Variants in USP8 observed in about 807,000 individuals in gnomAD.
The protein encoded by USP8 is ubiquitin carboxyl-terminal hydrolase 8.
Under a neutral mutation model 130.0 loss-of-function variants are expected in USP8, and 27 were observed. The observed-to-expected ratio is 0.21, with a 90% CI of 0.15 to 0.29. The LOEUF is 0.29. USP8 is among the 10% of genes least tolerant of loss of function. USP8 has a pLI of 1.00. For missense variants in USP8, 1,029 were observed against 1,312.2 expected, an observed-to-expected ratio of 0.78 and a Z score of 3.33; for synonymous variants, 392 against 444.1, an observed-to-expected ratio of 0.88 and a Z score of 1.48.
rs1405899103 is a variant in USP8 at position 50,506,044 on chromosome 15, T to A, written c.*6956T>A. 6.6e-6 allele frequency: 1 copy of A among 152,216 alleles called. No homozygotes were observed. Among genetic ancestry groups the A allele is most frequent in the African/African-American group, 2.4e-5 (1 of 41,440 alleles). The allele number at this position is 152,216 out of a possible 1,614,324, so 9.4% of individuals were successfully genotyped here. On this transcript the variant is annotated 3_prime_UTR_variant, in exon 20 of 20. Coordinates refer to ENST00000307179, the MANE Select transcript of USP8 (RefSeq NM_005154.5). Reference sequence around the variant, plus strand: ...TTTCCATTTCTTTGGGAGCAGAGTATAAAGATCTTGATTAACTTTAGGCTT... The same window carrying A: ...TTTCCATTTCTTTGGGAGCAGAGTAAAAAGATCTTGATTAACTTTAGGCTT...
intron 1 of USP8, among the ~76,000 whole-genome samples, chr15:50,435,872 G>A (rs986068902): frequency 3.3e-5 from 5 of 152,128 alleles, no homozygotes; most frequent in African/African-American, 7.2e-5. Context: ...TGGTGACATC[G>A]TAATCTTATC....
intron 1 of USP8, among the ~76,000 whole-genome samples, chr15:50,433,857 G>A (rs975399192): frequency 5.9e-5 from 9 of 152,226 alleles, no homozygotes; most frequent in Admixed American, 1.3e-4. Context: ...CGCCCGCCTT[G>A]GCCTCCCAAA....
At chr15:50,471,848 TAGAA>T in intron 8 of USP8, 53 bp downstream of exon 8, 1 of 1,587,416 alleles carries the variant, frequency 6.3e-7, no homozygotes, top group East Asian at 2.2e-5. Flanking sequence ...CTCTGGTTGT[TAGAA>T]AGGCATGTTA....
chr15:50,435,827 A>G (rs1009880181), intron 1 of USP8, among the ~76,000 whole-genome samples: 26 of 152,238 alleles, frequency 1.7e-4, no homozygotes, highest in Non-Finnish European at 2.9e-5. Flanking sequence ...TTTAAAAAGT[A>G]CAGTCTTTCT....
intron 3 of USP8, among the ~76,000 whole-genome samples, chr15:50,447,345 A>G (rs913424225): frequency 4.6e-5 from 7 of 152,100 alleles, no homozygotes; most frequent in Admixed American, 6.6e-5. Context: ...GGTTCAAGCA[A>G]TTCTCTTGCC....
chr15:50,485,582 T>TTTTTTTTC (rs2051932206), intron 12 of USP8, among the ~76,000 whole-genome samples: 1 of 134,932 alleles, frequency 7.4e-6, no homozygotes, highest in Non-Finnish European at 1.5e-5. Flanking sequence ...TTTTTTTTTT[T>TTTTTTTTC]TAGTAATTTA....
In USP8 at chr15:50,504,706, G is replaced by C. The variant is rs527797059; in HGVS notation, c.*5618G>C. 1 of 152,224 alleles carries C rather than the reference G, an allele frequency of 6.6e-6. No homozygotes were observed. The highest frequency in any genetic ancestry group is 1.5e-5 in the Non-Finnish European group (1 of 68,194). The allele number at this position is 152,224 out of a possible 1,614,324, so 9.4% of individuals were successfully genotyped here. ...AGAAAATGAATAAACCGGACTGGGC[G>C]CGGTGGCTCATGCCTGTAATCCTAG... On this transcript the variant is annotated 3_prime_UTR_variant, in exon 20 of 20. Transcript: ENST00000307179.
At chr15:50,476,673 A>G (rs531810788) in intron 8 of USP8, among the ~76,000 whole-genome samples, 176 bp from the exon 9 acceptor site, 1 of 152,014 alleles carries the variant, frequency 6.6e-6, no homozygotes, top group African/African-American at 2.4e-5. Context: ...GGTTTTTAAA[A>G]CCTCACCTAT....
chr15:50,448,092 G>T (rs1055274689), intron 3 of USP8, among the ~76,000 whole-genome samples: 1 of 152,044 alleles, frequency 6.6e-6, no homozygotes, highest in Non-Finnish European at 1.5e-5. Context: ...TTGTTTATTT[G>T]TATCATCAGT....
intron 19 of USP8, 35 bp from the exon 20 acceptor site, chr15:50,498,868 T>C (rs749086322): frequency 1.3e-6 from 2 of 1,565,532 alleles, no homozygotes; most frequent in African/African-American, 2.8e-5. Context: ...CAATTTTAAC[T>C]GAATTGATTT....
chr15:50,471,823 G>T (rs1251321547), intron 8 of USP8, 28 bp downstream of exon 8: 1 of 1,608,736 alleles, frequency 6.2e-7, no homozygotes, highest in Admixed American at 1.7e-5. Flanking sequence ...TTAGTTTATT[G>T]TAATTGCAGG....
At chr15:50,454,881 A>G (rs2050742904) in intron 4 of USP8, among the ~76,000 whole-genome samples, 1 of 152,110 alleles carries the variant, frequency 6.6e-6, no homozygotes, top group Non-Finnish European at 1.5e-5. Flanking sequence ...CCTGGGCTCA[A>G]GCAATCCCAC....
chr15:50,463,301 A>G (rs2051074182), intron 6 of USP8: 1 of 152,190 alleles, frequency 6.6e-6, no homozygotes, highest in South Asian at 2.1e-4. Context: ...CTCTAGTGAC[A>G]AATATGTGAC....
intron 10 of USP8, among the ~76,000 whole-genome samples, chr15:50,478,835 A>C (rs1487201522): frequency 6.6e-6 from 1 of 152,142 alleles, no homozygotes; most frequent in African/African-American, 2.4e-5. Context: ...CAGGTGGGTC[A>C]CCTGAGGTCA....
intron 1 of USP8, among the ~76,000 whole-genome samples, chr15:50,431,494 A>T (rs1192358398): frequency 2.0e-5 from 3 of 151,206 alleles, no homozygotes; most frequent in East Asian, 1.9e-4. Flanking sequence ...GTTAGTCAAC[A>T]TTTTTTTTTC....
At chr15:50,492,589 T>C (rs926023912) in intron 14 of USP8, 112 bp from the exon 15 acceptor site, 1 of 1,027,406 alleles carries the variant, frequency 9.7e-7, no homozygotes. Context: ...ATATTAACTG[T>C]TTACAAGATG....
At chr15:50,473,774 C>T (rs2051461451) in intron 8 of USP8, among the ~76,000 whole-genome samples, 1 of 151,706 alleles carries the variant, frequency 6.6e-6, no homozygotes, top group African/African-American at 2.4e-5. Flanking sequence ...GTTGGGATTA[C>T]AGGCGTGCAC....
At chr15:50,460,360 G>T (rs937980161) in intron 5 of USP8, among the ~76,000 whole-genome samples, 1 of 137,788 alleles carries the variant, frequency 7.3e-6, no homozygotes, top group South Asian at 2.3e-4. Flanking sequence ...AGGCTGGAGT[G>T]CAGTGGTGCG....
chr15:50,488,552 CTTTTTTTTTT>C lies in USP8; in HGVS notation c.1891-1229_1891-1220del, dbSNP rs397853938. Among the ~76,000 whole-genome samples, 321 of 70,936 alleles carry C rather than the reference CTTTTTTTTTT, an allele frequency of 4.5e-3. 1 individual carries two copies. The highest frequency in any genetic ancestry group is 0.018 in the African/African-American group (307 of 17,226). The allele number at this position is 70,936 out of a possible 152,430, so 46.5% of individuals were successfully genotyped here. On this transcript the variant is annotated intron_variant, in intron 12 of 19. Transcript: ENST00000307179. ...GTGCATGCCATCACATCAAGGTTGG[CTTTTTTTTTT>C]TTTTTTTTTTTTTTTTTTTGGAGAT...
Sources: allele counts gnomAD v4.1 joint callset (sites outside exome capture counted in the v4.1 genomes callset), GRCh38; gene constraint gnomAD v4.1.1; transcripts MANE v1.5; gene names NCBI Gene and HGNC (gene_info 2026-07-23, HGNC 2026-07-21).